COL21A1: variants seen among roughly 807,000 people sequenced by gnomAD.
COL21A1 encodes collagen alpha-1(XXI) chain.
Under a neutral mutation model 137.9 loss-of-function variants are expected in COL21A1, and 149 were observed. The ratio of observed to expected loss-of-function variants is 1.08; its 90% confidence interval spans 0.95 to 1.24. The LOEUF (loss-of-function observed/expected upper bound fraction) is 1.24, where lower values mean the gene tolerates loss of function less well. Among genes scored for constraint, COL21A1 ranks in the 50% most tolerant of loss-of-function variants. The pLI is 0.00. For missense variants in COL21A1, 1,167 were observed against 1,158.4 expected, an observed-to-expected ratio of 1.01 and a Z score of -0.11; for synonymous variants, 456 against 391.5, an observed-to-expected ratio of 1.16 and a Z score of -1.95.
chr6:56,312,416 C>T (rs974897896), intron 1 of COL21A1, among the ~76,000 whole-genome samples: 1 of 152,152 alleles, frequency 6.6e-6, no homozygotes, highest in Non-Finnish European at 1.5e-5. Context: ...TGACTCCCAG[C>T]TTTCAGGCAC....
chr6:56,091,988 A>G (rs900332299), intron 17 of COL21A1, among the ~76,000 whole-genome samples: 3 of 152,124 alleles, frequency 2.0e-5, no homozygotes, highest in Non-Finnish European at 4.4e-5. Context: ...AAAATTCCAA[A>G]ATATTAAGTT....
In COL21A1 at chr6:56,204,191, G is replaced by C. The variant is rs193175278; in HGVS notation, c.-38-21535C>G. On this transcript the variant is annotated intron_variant, in intron 1 of 29. Transcript: ENST00000244728. ...CCAGGGAGCCAAGTGGTCTAGCTCC[G>C]TGGGTCGCTCCCCCATGGAGCCCAG... 4.0e-3 allele frequency among the ~76,000 whole-genome samples: 616 copies of C among 152,234 alleles called. 5 individuals are homozygous for C. The highest frequency in any genetic ancestry group is 0.027 in the Middle Eastern group (8 of 292).
chr6:56,352,221 C>T (rs180987746), intron 1 of COL21A1, among the ~76,000 whole-genome samples: 1 of 152,134 alleles, frequency 6.6e-6, no homozygotes, highest in Admixed American at 6.5e-5. Flanking sequence ...ATTATTTTTC[C>T]TTTTTCCTCA....
At chr6:56,223,903 A>G (rs1781021686) in intron 1 of COL21A1, among the ~76,000 whole-genome samples, 1 of 151,594 alleles carries the variant, frequency 6.6e-6, no homozygotes, top group African/African-American at 2.4e-5. Flanking sequence ...ATACTCATGG[A>G]GTGTTCTGTG....
chr6:56,167,070 A>G (rs1776640991), intron 6 of COL21A1, 87 bp from the exon 7 acceptor site: 1 of 868,792 alleles, frequency 1.2e-6, no homozygotes, highest in South Asian at 1.5e-5. Flanking sequence ...AACATCCACT[A>G]TGGTTAGTAA....
At chr6:56,260,689 A>AAGGCAGGCAGGC (rs1299399802) in intron 1 of COL21A1, among the ~76,000 whole-genome samples, 57 of 104,712 alleles carry the variant, frequency 5.4e-4, no homozygotes, top group African/African-American at 2.5e-3. Context: ...GGAAGGAAGG[A>AAGGCAGGCAGGC]AGGCAGGCAG....
chr6:56,239,305 G>A (rs903755294), intron 1 of COL21A1, among the ~76,000 whole-genome samples: 1 of 152,036 alleles, frequency 6.6e-6, no homozygotes, highest in Non-Finnish European at 1.5e-5. Flanking sequence ...TCTCTCACTT[G>A]TATAGGAATT....
intron 17 of COL21A1, among the ~76,000 whole-genome samples, chr6:56,090,912 G>A (rs1768751582): frequency 6.6e-6 from 1 of 152,044 alleles, no homozygotes; most frequent in Non-Finnish European, 1.5e-5. Context: ...CACTCCTGGA[G>A]CCTGAAAAAG....
rs186064552 is a variant in COL21A1, at chr6:56,210,523, G to A, written c.-38-27867C>T. Among the ~76,000 whole-genome samples, 4 of 152,256 alleles carry A rather than the reference G, an allele frequency of 2.6e-5. No homozygotes were observed. In the East Asian group the frequency reaches 7.7e-4, roughly 29 times the overall value. On this transcript the variant is annotated intron_variant, in intron 1 of 29. Transcript: ENST00000244728. ...ATCTAGGCAAGGACTACCAGTGGCT[G>A]CTAATATTGTTAGGTGGAAGATTAG... is the stretch of plus-strand genomic sequence containing the variant.
intron 1 of COL21A1, among the ~76,000 whole-genome samples, chr6:56,256,317 G>A (rs1233286134): frequency 6.6e-6 from 1 of 152,096 alleles, no homozygotes; most frequent in African/African-American, 2.4e-5. Context: ...GTGGATACAG[G>A]TTGTGAACAG....
intron 1 of COL21A1, among the ~76,000 whole-genome samples, chr6:56,241,134 C>T (rs1782292174): frequency 6.6e-6 from 1 of 152,138 alleles, no homozygotes. Flanking sequence ...ATCATGTGTA[C>T]AAGCCTTAAC....
rs116085563 is a variant in COL21A1 at position 56,094,619 on chromosome 6, C to T, written c.1812+6853G>A. ...AGGTACTTACTCCCGGAAACAAAAT[C>T]TGCATCAGTCAGGGTTCCAGCAGAG... is the stretch of plus-strand genomic sequence containing the variant. On this transcript the variant is annotated intron_variant, in intron 17 of 29. Transcript: ENST00000244728. Among the ~76,000 whole-genome samples, 366 of 152,302 alleles carry T rather than the reference C, an allele frequency of 2.4e-3. 3 individuals carry two copies. Among genetic ancestry groups the T allele is most frequent in the African/African-American group, 8.3e-3 (343 of 41,566 alleles).
intron 3 of COL21A1, among the ~76,000 whole-genome samples, chr6:56,174,999 A>C (rs531382415): frequency 1.3e-5 from 2 of 152,262 alleles, no homozygotes; most frequent in Non-Finnish European, 2.9e-5. Context: ...AGAGTTTGAC[A>C]TATAAAATCA....
intron 17 of COL21A1, among the ~76,000 whole-genome samples, chr6:56,083,450 G>C (rs1767966631): frequency 6.6e-6 from 1 of 151,856 alleles, no homozygotes; most frequent in South Asian, 2.1e-4. Flanking sequence ...CTCATGATCA[G>C]ATTGGGCCTC....
intron 1 of COL21A1, among the ~76,000 whole-genome samples, chr6:56,319,800 C>G (rs1393800203): frequency 6.6e-6 from 1 of 152,158 alleles, no homozygotes; most frequent in Non-Finnish European, 1.5e-5. Flanking sequence ...ATATACCTGA[C>G]AGGCTGTGTT....
chr6:56,071,474 A>C (rs1441021286), intron 20 of COL21A1, among the ~76,000 whole-genome samples: 1 of 151,612 alleles, frequency 6.6e-6, no homozygotes, highest in Non-Finnish European at 1.5e-5. Context: ...ATCACAACCC[A>C]ATGTCTGGCA....
chr6:56,111,745 GT>G (rs1355281697), intron 16 of COL21A1, among the ~76,000 whole-genome samples: 1 of 151,518 alleles, frequency 6.6e-6, no homozygotes, highest in Non-Finnish European at 1.5e-5. Flanking sequence ...ATGGTGGCAG[GT>G]GCCTGTAATC....
chr6:56,333,824 G>T (rs569030084), intron 1 of COL21A1, among the ~76,000 whole-genome samples: 3 of 152,086 alleles, frequency 2.0e-5, no homozygotes, highest in Admixed American at 2.0e-4. Flanking sequence ...ATGAGTGGTG[G>T]TATCTACTGC....
chr6:56,256,064 A>C, intron 1 of COL21A1, among the ~76,000 whole-genome samples: 1 of 152,216 alleles, frequency 6.6e-6, no homozygotes, highest in East Asian at 1.9e-4. Flanking sequence ...CCTAAAGAAA[A>C]GTTAAGAAGA....
Sources: allele counts gnomAD v4.1 joint callset (sites outside exome capture counted in the v4.1 genomes callset), GRCh38; gene constraint gnomAD v4.1.1; transcripts MANE v1.5; gene names NCBI Gene and HGNC (gene_info 2026-07-23, HGNC 2026-07-21).